The following ZFAND3 variants were observed in gnomAD, a reference collection of about 807,000 sequenced individuals.
ZFAND3 encodes zinc finger AN1-type containing 3.
A neutral mutation model predicts 29.6 loss-of-function variants in ZFAND3; 10 were observed. The observed-to-expected ratio is 0.34, with a 90% CI of 0.21 to 0.57. The LOEUF (loss-of-function observed/expected upper bound fraction) is 0.57. Ranked by LOEUF, ZFAND3 falls within the 20% of genes least tolerant of loss-of-function variation. The pLI is 0.86. For missense variants in ZFAND3, 230 were observed against 304.5 expected, an observed-to-expected ratio of 0.76 and a Z score of 1.82; for synonymous variants, 128 against 112.6, an observed-to-expected ratio of 1.14 and a Z score of -0.87.
In ZFAND3 at chr6:38,103,436, CACGTGTATA is replaced by C. The variant is rs1562000258; in HGVS notation, c.362-13135_362-13127del. Among the ~76,000 whole-genome samples the C allele has an allele frequency of 2.0e-4, 18 of 89,962 alleles. 1 individual carries two copies. The highest frequency in any genetic ancestry group is 5.5e-4 in the Admixed American group (5 of 9,130). 59.0% of individuals were successfully genotyped at this position (89,962 alleles called of 152,430 possible). ...ACGTATATACACACACATATATATA[CACGTGTATA>C]TATATACACACATATATACACGTGT... On this transcript the variant is annotated intron_variant, in intron 4 of 5. Coordinates refer to ENST00000287218, the MANE Select transcript of ZFAND3 (RefSeq NM_021943.3).
At chr6:37,950,756 C>G (rs1761984420) in intron 2 of ZFAND3, among the ~76,000 whole-genome samples, 2 of 152,098 alleles carry the variant, frequency 1.3e-5, no homozygotes, top group South Asian at 4.1e-4. Context: ...TGTTTTTTAC[C>G]AGTACTATGC....
intron 1 of ZFAND3, among the ~76,000 whole-genome samples, chr6:37,929,382 A>G (rs999716285): frequency 2.4e-4 from 37 of 152,236 alleles, no homozygotes; most frequent in African/African-American, 8.7e-4. Flanking sequence ...GCTATTATTA[A>G]TGGATGAAAG....
intron 1 of ZFAND3, among the ~76,000 whole-genome samples, chr6:37,868,184 A>T (rs752127335): frequency 6.6e-6 from 1 of 152,206 alleles, no homozygotes; most frequent in Non-Finnish European, 1.5e-5. Context: ...GCATCTTTTG[A>T]AATGATGATA....
rs67495073 is a variant in ZFAND3, at chr6:38,012,377, A to ATTTTT, written c.113-49201_113-49197dup. Among the ~76,000 whole-genome samples the ATTTTT allele has an allele frequency of 1.5e-3, 184 of 123,326 alleles. 7 individuals carry two copies. The East Asian group carries it at 0.022, about 15-fold the overall frequency. 80.9% of individuals were successfully genotyped at this position (123,326 alleles called of 152,430 possible). A position where few individuals can be genotyped will look rare whatever the true frequency, so the allele number is the denominator to read the frequency against. ...AGCTTCCTCCTTTCTTTTTGATAGT[A>ATTTTT]TTTTTTTTTTTTTTTTTTTGAGTCG... On this transcript the variant is annotated intron_variant, in intron 2 of 5. Transcript: ENST00000287218.
At chr6:38,142,316 G>T (rs1431736729) in intron 5 of ZFAND3, 1 of 471,522 alleles carries the variant, frequency 2.1e-6, no homozygotes, top group Non-Finnish European at 4.4e-6. Flanking sequence ...TGACCACGTT[G>T]CCACTCGGAC....
intron 1 of ZFAND3, among the ~76,000 whole-genome samples, chr6:37,901,968 G>A (rs1014642900): frequency 2.0e-5 from 3 of 152,170 alleles, no homozygotes; most frequent in African/African-American, 7.2e-5. Context: ...CAATTGACAT[G>A]TAACACTTGT....
chr6:37,857,360 GA>G (rs758301350), intron 1 of ZFAND3, among the ~76,000 whole-genome samples: 15 of 152,116 alleles, frequency 9.9e-5, no homozygotes, highest in Non-Finnish European at 2.1e-4. Flanking sequence ...GGAGACAAAT[GA>G]AGCGAATACA....
At chr6:37,908,743 G>GAAA (rs202057469) in intron 1 of ZFAND3, among the ~76,000 whole-genome samples, 7 of 97,266 alleles carry the variant, frequency 7.2e-5, no homozygotes, top group African/African-American at 1.4e-4. Context: ...AATTTTCAAA[G>GAAA]AAAAAAAAAA....
chr6:37,837,629 C>T (rs888472558), intron 1 of ZFAND3, among the ~76,000 whole-genome samples: 5 of 151,950 alleles, frequency 3.3e-5, no homozygotes, highest in Non-Finnish European at 7.4e-5. Context: ...GTCAGCCTCC[C>T]GAGCAGCTGG....
chr6:37,835,685 C>T (rs1763954654), intron 1 of ZFAND3, among the ~76,000 whole-genome samples: 2 of 152,030 alleles, frequency 1.3e-5, no homozygotes, highest in Non-Finnish European at 2.9e-5. Flanking sequence ...AGCCTTAGTC[C>T]CACTTAGTCA....
At chr6:38,110,558 A>G (rs1261104973) in intron 4 of ZFAND3, among the ~76,000 whole-genome samples, 1 of 152,178 alleles carries the variant, frequency 6.6e-6, no homozygotes, top group African/African-American at 2.4e-5. Flanking sequence ...GAGAAACAGC[A>G]GTGATGTGTG....
intron 2 of ZFAND3, among the ~76,000 whole-genome samples, chr6:37,962,861 A>G (rs1009652419): frequency 1.2e-4 from 19 of 152,230 alleles, no homozygotes; most frequent in African/African-American, 4.6e-4. Flanking sequence ...ACTGCCTTTA[A>G]GAGCTGTAAC....
At chr6:37,826,214 T>C (rs1763757459) in intron 1 of ZFAND3, among the ~76,000 whole-genome samples, 1 of 152,016 alleles carries the variant, frequency 6.6e-6, no homozygotes, top group African/African-American at 2.4e-5. Flanking sequence ...ACTTACAAAA[T>C]CATCCAGATT....
chr6:38,113,898 G>A (rs903332102), intron 4 of ZFAND3, among the ~76,000 whole-genome samples: 5 of 152,178 alleles, frequency 3.3e-5, no homozygotes, highest in African/African-American at 1.2e-4. Flanking sequence ...CATGTTTGAC[G>A]GTTTGGGATA....
intron 3 of ZFAND3, among the ~76,000 whole-genome samples, chr6:38,077,647 T>G (rs1306292634): frequency 6.6e-6 from 1 of 152,200 alleles, no homozygotes; most frequent in Admixed American, 6.5e-5. Context: ...TAGCACATGA[T>G]TAACTGCAGC....
intron 1 of ZFAND3, among the ~76,000 whole-genome samples, chr6:37,877,061 G>A (rs1764806677): frequency 3.3e-5 from 5 of 152,190 alleles, no homozygotes; most frequent in Admixed American, 3.3e-4. Context: ...TATATGAAAG[G>A]AGGGCTGGAG....
intron 2 of ZFAND3, among the ~76,000 whole-genome samples, chr6:37,961,639 C>A (rs984241534): frequency 6.6e-6 from 1 of 152,250 alleles, no homozygotes. Flanking sequence ...ATCCCCATCT[C>A]TAAGTGGCTC....
intron 2 of ZFAND3, among the ~76,000 whole-genome samples, chr6:37,964,894 A>G (rs1220186858): frequency 6.6e-6 from 1 of 152,204 alleles, no homozygotes; most frequent in Non-Finnish European, 1.5e-5. Flanking sequence ...GAGGGTAGTA[A>G]TAGGACTTAG....
rs541790497 is a variant in ZFAND3, at chr6:38,114,789, T to A, written c.362-1783T>A. On this transcript the variant is annotated intron_variant, in intron 4 of 5. Transcript: ENST00000287218. ...GCTGTGGCTTCTCACTAGAGCCACT[T>A]TAAGTAGAACATTAGGACTGCCTAG... 2.6e-5 allele frequency among the ~76,000 whole-genome samples: 4 copies of A among 152,330 alleles called. No individual in the cohort carries two copies. The East Asian group carries it at 7.7e-4, about 29-fold the overall frequency.
Sources: allele counts gnomAD v4.1 joint callset (sites outside exome capture counted in the v4.1 genomes callset), GRCh38; gene constraint gnomAD v4.1.1; transcripts MANE v1.5; gene names NCBI Gene and HGNC (gene_info 2026-07-23, HGNC 2026-07-21).